EXT1: variants seen among roughly 807,000 people sequenced by gnomAD.
The protein encoded by EXT1 is exostosin-1.
A neutral mutation model predicts 82.5 loss-of-function variants in EXT1; 20 were observed. The ratio of observed to expected loss-of-function variants is 0.24; its 90% confidence interval spans 0.17 to 0.35. EXT1 has a LOEUF of 0.35. Among genes scored for constraint, EXT1 ranks in the 10% least tolerant of loss-of-function variants. The pLI, the probability that EXT1 is intolerant of heterozygous loss-of-function variation, is 1.00. For missense variants in EXT1, 757 were observed against 936.5 expected (o/e 0.81, Z 2.50); for synonymous variants, 348 against 350.8 (o/e 0.99, Z 0.09).
chr8:117,895,529 G>A (rs1293673025), intron 1 of EXT1, among the ~76,000 whole-genome samples: 1 of 152,128 alleles, frequency 6.6e-6, no homozygotes. Flanking sequence ...ACAACTTCAC[G>A]CAAGACTGAA....
At chr8:117,950,713 T>C (rs1448476013) in intron 1 of EXT1, among the ~76,000 whole-genome samples, 2 of 152,128 alleles carry the variant, frequency 1.3e-5, no homozygotes, top group Non-Finnish European at 2.9e-5. Flanking sequence ...AAAGAGATTT[T>C]TAAAAATAGG....
intron 1 of EXT1, among the ~76,000 whole-genome samples, chr8:118,108,375 G>C (rs1332957853): frequency 2.0e-5 from 3 of 152,154 alleles, no homozygotes. Context: ...ACTTCATCTC[G>C]AGTTACTCCA....
chr8:117,838,435 G>T (rs1206413203), intron 1 of EXT1, among the ~76,000 whole-genome samples: 1 of 151,890 alleles, frequency 6.6e-6, no homozygotes, highest in Non-Finnish European at 1.5e-5. Context: ...TTATAAACCC[G>T]CCATTAAGAA....
intron 1 of EXT1, among the ~76,000 whole-genome samples, chr8:117,987,667 C>A (rs188499859): frequency 1.3e-5 from 2 of 152,334 alleles, no homozygotes; most frequent in East Asian, 3.9e-4. Flanking sequence ...TAAGTTGCTA[C>A]CTCTTAACAT....
chr8:117,935,632 G>A (rs934971012), intron 1 of EXT1, among the ~76,000 whole-genome samples: 1 of 152,086 alleles, frequency 6.6e-6, no homozygotes, highest in Non-Finnish European at 1.5e-5. Context: ...ACCTCCCAAA[G>A]TGCTAGGATT....
intron 1 of EXT1, among the ~76,000 whole-genome samples, chr8:117,963,895 T>G (rs1360393897): frequency 1.3e-5 from 2 of 152,188 alleles, no homozygotes; most frequent in African/African-American, 4.8e-5. Flanking sequence ...ATGTGTGTGT[T>G]TGTTTATGCA....
At chr8:117,810,590 G>A (rs1823303170) in intron 8 of EXT1, among the ~76,000 whole-genome samples, 1 of 152,216 alleles carries the variant, frequency 6.6e-6, no homozygotes, top group Non-Finnish European at 1.5e-5. Context: ...CAATCCTAGA[G>A]TGAGACTAAT....
chr8:117,855,771 C>T (rs1288170950), intron 1 of EXT1, among the ~76,000 whole-genome samples: 3 of 152,154 alleles, frequency 2.0e-5, no homozygotes, highest in Non-Finnish European at 4.4e-5. Context: ...CAGGTTCAAG[C>T]GATTCTCCTG....
At chr8:118,081,223 A>G (rs1817322663) in intron 1 of EXT1, among the ~76,000 whole-genome samples, 1 of 152,218 alleles carries the variant, frequency 6.6e-6, no homozygotes, top group Non-Finnish European at 1.5e-5. Flanking sequence ...CAAGCCTTGA[A>G]GTTCTCACTA....
At chr8:117,837,227 C>T (rs1375939771) in intron 1 of EXT1, 26 bp from the exon 2 acceptor site, 1 of 1,566,614 alleles carries the variant, frequency 6.4e-7, no homozygotes, top group Non-Finnish European at 8.8e-7. Flanking sequence ...GAGTAAACAG[C>T]AAATGAAGAC....
At chr8:118,038,730 G>C (rs1309731774) in intron 1 of EXT1, among the ~76,000 whole-genome samples, 1 of 152,218 alleles carries the variant, frequency 6.6e-6, no homozygotes, top group Non-Finnish European at 1.5e-5. Context: ...GCTGAGCTCT[G>C]AAGTAATACT....
intron 4 of EXT1, 134 bp from the exon 5 acceptor site, chr8:117,822,731 G>A (rs373151432): frequency 3.4e-5 from 31 of 915,750 alleles, no homozygotes; most frequent in East Asian, 5.0e-5. Flanking sequence ...TTAATTCTCC[G>A]GATAAAAATG....
chr8:117,977,330 C>A (rs1029195891), intron 1 of EXT1, among the ~76,000 whole-genome samples: 1 of 147,306 alleles, frequency 6.8e-6, no homozygotes, highest in African/African-American at 2.5e-5. Context: ...GAGGCTACAG[C>A]GAGCCGTGAT....
At chr8:117,871,633 A>G (rs1174516404) in intron 1 of EXT1, among the ~76,000 whole-genome samples, 1 of 152,222 alleles carries the variant, frequency 6.6e-6, no homozygotes, top group Non-Finnish European at 1.5e-5. Flanking sequence ...GCTCTGGTCC[A>G]CAAGCACTTC....
At chr8:117,826,782 A>T (rs975585955) in intron 4 of EXT1, among the ~76,000 whole-genome samples, 1 of 152,132 alleles carries the variant, frequency 6.6e-6, no homozygotes, top group African/African-American at 2.4e-5. Context: ...TTTAGTGTTT[A>T]AAAAAACCCC....
At chr8:117,807,933 G>T (rs1409395334) in intron 8 of EXT1, among the ~76,000 whole-genome samples, 1 of 151,960 alleles carries the variant, frequency 6.6e-6, no homozygotes, top group Non-Finnish European at 1.5e-5. Flanking sequence ...CATAATTCAG[G>T]CTTCTTAGGT....
rs1823104447 is a variant in EXT1, at chr8:117,797,588, T to C, written c.*2124A>G. ...TTTGGTAAAGGAGAAACAAGAATAA[T>C]TTGCCAATCCTGAAAAAAATAATTT... is the stretch of plus-strand genomic sequence containing the variant. On this transcript the variant is annotated 3_prime_UTR_variant, in exon 11 of 11. Transcript: ENST00000378204. The C allele has an allele frequency of 6.6e-6, 1 of 152,162 alleles. No individual in the cohort carries two copies. Among genetic ancestry groups the C allele is most frequent in the Non-Finnish European group, 1.5e-5 (1 of 68,044 alleles). 9.4% of individuals were successfully genotyped at this position (152,162 alleles called of 1,614,324 possible). A position where few individuals can be genotyped will look rare whatever the true frequency, so the allele number is the denominator to read the frequency against.
At chr8:118,099,952 G>GT (rs1817688810) in intron 1 of EXT1, among the ~76,000 whole-genome samples, 1 of 152,178 alleles carries the variant, frequency 6.6e-6, no homozygotes, top group African/African-American at 2.4e-5. Flanking sequence ...ACTTTGGGCT[G>GT]TTTTCACAAG....
At chr8:117,849,490 C>A (rs1812419499) in intron 1 of EXT1, among the ~76,000 whole-genome samples, 1 of 152,232 alleles carries the variant, frequency 6.6e-6, no homozygotes, top group Non-Finnish European at 1.5e-5. Context: ...AGTGTCTGAA[C>A]TGCTGGCAAT....
Sources: allele counts gnomAD v4.1 joint callset (sites outside exome capture counted in the v4.1 genomes callset), GRCh38; gene constraint gnomAD v4.1.1; transcripts MANE v1.5; gene names NCBI Gene and HGNC (gene_info 2026-07-23, HGNC 2026-07-21).